The following REDIC1 variants were observed in gnomAD, a reference collection of about 807,000 sequenced individuals.
The protein encoded by REDIC1 is HEI10 Interacting Protein 1.
At chr12:39,816,062 C>G in the REDIC1 span, among the ~76,000 whole-genome samples, 1 of 152,102 alleles carries the variant, frequency 6.6e-6, no homozygotes, top group Admixed American at 6.5e-5. Context: ...ACATTTAAAT[C>G]GATGAGGCAC....
At chr12:39,672,594 G>A in the REDIC1 span, among the ~76,000 whole-genome samples, 13 of 152,244 alleles carry the variant, frequency 8.5e-5, no homozygotes, top group African/African-American at 2.4e-4. Flanking sequence ...GTCCCAGGCC[G>A]GCAGGCTTCT....
chr12:39,861,579 T>G, the REDIC1 span, among the ~76,000 whole-genome samples: 1 of 152,152 alleles, frequency 6.6e-6, no homozygotes, highest in Non-Finnish European at 1.5e-5. Flanking sequence ...CTAGCTCTTA[T>G]GAGAAAATAT....
the REDIC1 span, among the ~76,000 whole-genome samples, chr12:39,804,471 A>G: frequency 6.6e-6 from 1 of 152,232 alleles, no homozygotes; most frequent in South Asian, 2.1e-4. Flanking sequence ...TAATAATAAT[A>G]ACCTGTCAAA....
chr12:39,743,262 T>G, the REDIC1 span, among the ~76,000 whole-genome samples: 1 of 152,146 alleles, frequency 6.6e-6, no homozygotes, highest in Non-Finnish European at 1.5e-5. Flanking sequence ...AGCTGTCCTT[T>G]CCCACCTAGA....
the REDIC1 span, among the ~76,000 whole-genome samples, chr12:39,774,023 A>G: frequency 6.6e-6 from 1 of 152,206 alleles, no homozygotes; most frequent in Non-Finnish European, 1.5e-5. Context: ...TCCCTAAGCT[A>G]TCACCTCAAA....
chr12:39,788,162 T>C, the REDIC1 span, among the ~76,000 whole-genome samples: 5 of 152,272 alleles, frequency 3.3e-5, no homozygotes, highest in East Asian at 9.6e-4. Context: ...AAGATCCTCA[T>C]ACCTAGTACC....
the REDIC1 span, among the ~76,000 whole-genome samples, chr12:39,824,104 A>G: frequency 1.2e-3 from 189 of 152,352 alleles, no homozygotes; most frequent in African/African-American, 4.2e-3. Flanking sequence ...AAAACAATGC[A>G]GAATATAGAA....
the REDIC1 span, among the ~76,000 whole-genome samples, chr12:39,785,693 C>G: frequency 3.9e-5 from 6 of 152,106 alleles, no homozygotes; most frequent in Non-Finnish European, 8.8e-5. Context: ...TGAAAGCAGC[C>G]AGGAGGGAGG....
chr12:39,717,910 T>A, the REDIC1 span, among the ~76,000 whole-genome samples: 3 of 151,862 alleles, frequency 2.0e-5, no homozygotes, highest in African/African-American at 7.3e-5. Flanking sequence ...TCCCCTGGAG[T>A]GGTATATATT....
At chr12:39,692,023 T>C in the REDIC1 span, 1 of 1,536,212 alleles carries the variant, frequency 6.5e-7, no homozygotes, top group Non-Finnish European at 8.9e-7. Context: ...TACTTAGGAA[T>C]TGTTAACATT....
the REDIC1 span, among the ~76,000 whole-genome samples, chr12:39,812,893 G>A: frequency 7.0e-6 from 1 of 141,924 alleles, no homozygotes; most frequent in Non-Finnish European, 1.5e-5. Context: ...GGAGTGTAAT[G>A]GTGTGATCTC....
chr12:39,759,889 C>T, the REDIC1 span: 1 of 621,436 alleles, frequency 1.6e-6, no homozygotes, highest in East Asian at 2.8e-5. Flanking sequence ...TCCTCCTAAT[C>T]AAGTATTCTA....
chr12:39,723,442 G>C, the REDIC1 span, among the ~76,000 whole-genome samples: 1 of 150,844 alleles, frequency 6.6e-6, no homozygotes, highest in African/African-American at 2.4e-5. Context: ...AAGTGAGTAT[G>C]GATTTGCAAA....
the REDIC1 span, among the ~76,000 whole-genome samples, chr12:39,844,944 T>A: frequency 4.4e-4 from 67 of 152,114 alleles, 1 homozygote; most frequent in African/African-American, 1.6e-3. Flanking sequence ...GACTATGCAG[T>A]TTTTAATATG....
At chr12:39,767,185 C>A in the REDIC1 span, among the ~76,000 whole-genome samples, 1 of 152,036 alleles carries the variant, frequency 6.6e-6, no homozygotes, top group African/African-American at 2.4e-5. Context: ...GATCCATGGG[C>A]TGCAGAATGG....
chr12:39,677,611 T>C, the REDIC1 span, among the ~76,000 whole-genome samples: 121 of 152,214 alleles, frequency 7.9e-4, 1 homozygote, highest in African/African-American at 2.9e-3. Context: ...ATTTACAGAA[T>C]ATTGTACCCC....
At chr12:39,747,889 T>C in the REDIC1 span, among the ~76,000 whole-genome samples, 1 of 152,148 alleles carries the variant, frequency 6.6e-6, no homozygotes, top group Non-Finnish European at 1.5e-5. Context: ...AGAGATTTTG[T>C]CACCACCAGG....
chr12:39,719,667 TTGTC>T, the REDIC1 span, among the ~76,000 whole-genome samples: 1 of 152,142 alleles, frequency 6.6e-6, no homozygotes, highest in African/African-American at 2.4e-5. Flanking sequence ...GATTACAAGT[TTGTC>T]TATTTGTTAA....
chr12:39,707,831 A>G, the REDIC1 span, among the ~76,000 whole-genome samples: 1 of 151,858 alleles, frequency 6.6e-6, no homozygotes, highest in African/African-American at 2.4e-5. Context: ...AAAATAGCAT[A>G]AAAAAAGAAT....
Sources: allele counts gnomAD v4.1 joint callset (sites outside exome capture counted in the v4.1 genomes callset), GRCh38; gene constraint gnomAD v4.1.1; transcripts MANE v1.5; gene names NCBI Gene and HGNC (gene_info 2026-07-23, HGNC 2026-07-21).